Variants in GTF3C2 observed in about 807,000 individuals in gnomAD.
GTF3C2 encodes the protein general transcription factor IIIC subunit 2.
A neutral mutation model predicts 117.4 loss-of-function variants in GTF3C2; 17 were observed. The observed-to-expected ratio is 0.14, with a 90% CI of 0.10 to 0.22. The LOEUF is 0.22. Among genes scored for constraint, GTF3C2 ranks in the 10% least tolerant of loss-of-function variants. GTF3C2 has a pLI of 1.00. For synonymous variants in GTF3C2, 437 were observed against 427.0 expected (o/e 1.02, Z -0.29); for missense variants, 888 against 1,143.6 (o/e 0.78, Z 3.22).
intron 1 of GTF3C2, among the ~76,000 whole-genome samples, chr2:27,353,382 A>C (rs1258572772): frequency 2.2e-5 from 1 of 45,610 alleles, no homozygotes; most frequent in Non-Finnish European, 4.3e-5. Context: ...ACTCCGTCTC[A>C]AAAAAAAAAA....
chr2:27,340,283 T>G (rs1680677038), intron 4 of GTF3C2: 1 of 152,068 alleles, frequency 6.6e-6, no homozygotes, highest in South Asian at 2.1e-4. Context: ...CTGGCTGGAG[T>G]GCAATAACGC....
chr2:27,331,586 A>G (rs1680273779), intron 12 of GTF3C2, among the ~76,000 whole-genome samples: 1 of 151,966 alleles, frequency 6.6e-6, no homozygotes, highest in Non-Finnish European at 1.5e-5. Flanking sequence ...CGGCCTTCCA[A>G]AGTGCTGGGA....
chr2:27,328,189 G>T, exon 17 of GTF3C2: 1 of 1,568,210 alleles, frequency 6.4e-7, no homozygotes, highest in Non-Finnish European at 8.6e-7. Flanking sequence ...TTATATATAG[G>T]CTGGAAAGGA....
At chr2:27,356,241 G>A in intron 1 of GTF3C2, 3 of 499,388 alleles carry the variant, frequency 6.0e-6, no homozygotes, top group South Asian at 3.1e-5. Flanking sequence ...TGCAGCGCGC[G>A]GGGCACAACC....
At chr2:27,346,626 G>A (rs1006754023) in intron 1 of GTF3C2, among the ~76,000 whole-genome samples, 4 of 151,704 alleles carry the variant, frequency 2.6e-5, no homozygotes, top group Admixed American at 6.6e-5. Context: ...TCTCAACTTC[G>A]TCTCCCAAAA....
chr2:27,356,158 G>C (rs890149398), intron 1 of GTF3C2: 2 of 1,218,338 alleles, frequency 1.6e-6, no homozygotes, highest in African/African-American at 3.1e-5. Context: ...TTCCCCAACA[G>C]GCAGCCAACT....
exon 16 of GTF3C2, chr2:27,328,581 C>T (rs761777591): frequency 6.2e-7 from 1 of 1,611,424 alleles, no homozygotes; most frequent in Admixed American, 1.7e-5. Context: ...CCAAGCCAGT[C>T]GGATCCTGAA....
chr2:27,327,570 C>T (rs1257621825), intron 17 of GTF3C2, among the ~76,000 whole-genome samples: 6 of 151,462 alleles, frequency 4.0e-5, no homozygotes, highest in Non-Finnish European at 7.4e-5. Context: ...GTGATCCGCC[C>T]ACCTCAGCCT....
chr2:27,343,604 TA>T, intron 1 of GTF3C2, 26 bp from the exon 2 acceptor site: 2 of 1,592,190 alleles, frequency 1.3e-6, no homozygotes, highest in South Asian at 2.2e-5. Context: ...CACAAATGAG[TA>T]GAGGACAAAA....
At chr2:27,354,055 T>TA (rs11399437) in intron 1 of GTF3C2, among the ~76,000 whole-genome samples, 48,530 of 116,948 alleles carry the variant, frequency 0.41, 9,592 homozygotes, top group African/African-American at 0.49. Context: ...AGCAAAACAT[T>TA]AAAAAAAAAA....
chr2:27,342,023 A>G (rs751612871), exon 4 of GTF3C2: 2 of 1,613,980 alleles, frequency 1.2e-6, no homozygotes, highest in Non-Finnish European at 1.7e-6. Flanking sequence ...TTGGGCCCTC[A>G]CTTTCTTCCA....
rs1365046194 is a variant in GTF3C2 at position 27,325,970 on chromosome 2, G to T, written c.*705C>A. On this transcript the variant is annotated 3_prime_UTR_variant, in exon 19 of 19. Transcript: ENST00000264720. Reference sequence around the variant, plus strand: ...TGACTAGATTTCCTAACATCCATGAGTGAAATTTATAGAAGTATACTCTCT... The same window carrying T: ...TGACTAGATTTCCTAACATCCATGATTGAAATTTATAGAAGTATACTCTCT... 5.1e-5 allele frequency: 10 copies of T among 195,572 alleles called. No homozygotes were observed. The Admixed American group carries it at 5.6e-4, about 11-fold the overall frequency. 12.1% of individuals were successfully genotyped at this position (195,572 alleles called of 1,614,324 possible).
intron 4 of GTF3C2, chr2:27,340,863 T>C (rs1680703955): frequency 6.6e-6 from 1 of 151,752 alleles, no homozygotes; most frequent in East Asian, 1.9e-4. Flanking sequence ...CTTGACCTTG[T>C]GATCCACCCA....
chr2:27,337,773 C>A (rs916968489), intron 5 of GTF3C2, 153 bp downstream of exon 5: 30 of 707,092 alleles, frequency 4.2e-5, no homozygotes, highest in South Asian at 2.3e-4. Context: ...AGTTCTAGAG[C>A]TCTTGCCTCT....
intron 2 of GTF3C2, 21 bp from the exon 3 acceptor site, chr2:27,343,168 CTG>C (rs1404875845): frequency 1.3e-6 from 2 of 1,537,224 alleles, no homozygotes; most frequent in East Asian, 2.3e-5. Flanking sequence ...GAATATGGGT[CTG>C]TGAGATGGGA....
chr2:27,338,454 A>ACG (rs1170410126), intron 4 of GTF3C2, among the ~76,000 whole-genome samples: 154 of 56,424 alleles, frequency 2.7e-3, no homozygotes, highest in Non-Finnish European at 4.6e-3. Flanking sequence ...GCGCACGCGC[A>ACG]CGCGCGCACA....
chr2:27,348,821 T>G (rs1223849868), intron 1 of GTF3C2, among the ~76,000 whole-genome samples: 1 of 152,128 alleles, frequency 6.6e-6, no homozygotes, highest in African/African-American at 2.4e-5. Flanking sequence ...AGATTTGGTT[T>G]GATTTTAATT....
At chr2:27,326,504 C>A in exon 19 of GTF3C2, 1 of 617,528 alleles carries the variant, frequency 1.6e-6, no homozygotes, top group Non-Finnish European at 2.9e-6. Flanking sequence ...GGGCTGTGAT[C>A]ACAGAAGTCT....
At position 27,330,675 on chromosome 2, in the gene GTF3C2, A is replaced by G. The variant is rs1004730859; in HGVS notation, c.1733-1152T>C. ...TGAGACCCCACCTCTAAAAAATAAAAAAAGGCCAGGCACGATGGCTCATGC... is the reference window on the plus strand; with the variant it reads ...TGAGACCCCACCTCTAAAAAATAAAGAAAGGCCAGGCACGATGGCTCATGC... On this transcript the variant is annotated intron_variant, in intron 12 of 18. Transcript: ENST00000264720. Among the ~76,000 whole-genome samples the G allele has an allele frequency of 3.3e-5, 5 of 152,028 alleles. No individual in the cohort carries two copies. The East Asian group carries it at 7.7e-4, about 24-fold the overall frequency.
Sources: allele counts gnomAD v4.1 joint callset (sites outside exome capture counted in the v4.1 genomes callset), GRCh38; gene constraint gnomAD v4.1.1; transcripts MANE v1.5; gene names NCBI Gene and HGNC (gene_info 2026-07-23, HGNC 2026-07-21).